Variants in COL21A1 observed in about 807,000 individuals in gnomAD.
COL21A1 encodes collagen alpha-1(XXI) chain.
Under a neutral mutation model 137.9 loss-of-function variants are expected in COL21A1, and 149 were observed. The observed-to-expected ratio is 1.08, with a 90% CI of 0.95 to 1.24. The LOEUF (loss-of-function observed/expected upper bound fraction) is 1.24, where lower values mean the gene tolerates loss of function less well. Among genes scored for constraint, COL21A1 ranks in the 50% most tolerant of loss-of-function variants. COL21A1 has a pLI of 0.00. For synonymous variants in COL21A1, 456 were observed against 391.5 expected (o/e 1.16, Z -1.95); for missense variants, 1,167 against 1,158.4 (o/e 1.01, Z -0.11).
chr6:56,205,241 AG>A (rs1466853573), intron 1 of COL21A1, among the ~76,000 whole-genome samples: 2 of 152,216 alleles, frequency 1.3e-5, no homozygotes. Context: ...CCTTGAAAAA[AG>A]GTTAGACAAA....
At chr6:56,307,162 TG>T (rs1764481648) in intron 1 of COL21A1, among the ~76,000 whole-genome samples, 3 of 152,164 alleles carry the variant, frequency 2.0e-5, no homozygotes, top group Non-Finnish European at 2.9e-5. Flanking sequence ...TTAGGCAACT[TG>T]GGGGTCAGGG....
At chr6:56,191,990 T>C (rs1216648184) in intron 1 of COL21A1, among the ~76,000 whole-genome samples, 1 of 152,052 alleles carries the variant, frequency 6.6e-6, no homozygotes, top group Non-Finnish European at 1.5e-5. Flanking sequence ...ATGGTACGGG[T>C]ACCAAAACAG....
At chr6:56,117,768 A>G (rs1309601766) in intron 16 of COL21A1, among the ~76,000 whole-genome samples, 1 of 152,062 alleles carries the variant, frequency 6.6e-6, no homozygotes, top group African/African-American at 2.4e-5. Context: ...CTAAAAATCA[A>G]TAACAAGAGG....
At chr6:56,124,858 G>A in intron 14 of COL21A1, among the ~76,000 whole-genome samples, 1 of 151,898 alleles carries the variant, frequency 6.6e-6, no homozygotes, top group East Asian at 1.9e-4. Flanking sequence ...TGTTAGCCAG[G>A]ATGGTCTCGA....
At chr6:56,383,808 T>TA (rs2094012833) in intron 1 of COL21A1, among the ~76,000 whole-genome samples, 2 of 152,130 alleles carry the variant, frequency 1.3e-5, no homozygotes, top group Admixed American at 6.6e-5. Flanking sequence ...AAATAAGTTT[T>TA]AAAAAAACCA....
chr6:56,269,635 A>T (rs1010050945), intron 1 of COL21A1, among the ~76,000 whole-genome samples: 6 of 136,340 alleles, frequency 4.4e-5, no homozygotes, highest in African/African-American at 1.6e-4. Flanking sequence ...AGCCTGGGCG[A>T]CAGAGCGAGA....
chr6:56,241,510 T>C (rs993194408), intron 1 of COL21A1, among the ~76,000 whole-genome samples: 2 of 152,150 alleles, frequency 1.3e-5, no homozygotes, highest in African/African-American at 4.8e-5. Flanking sequence ...TGTTGCTAGC[T>C]AACAAGGAAT....
intron 17 of COL21A1, among the ~76,000 whole-genome samples, chr6:56,100,530 T>C (rs891244333): frequency 6.6e-6 from 1 of 152,146 alleles, no homozygotes; most frequent in Non-Finnish European, 1.5e-5. Flanking sequence ...GCAGTAGTCA[T>C]CTCCAAACCC....
intron 12 of COL21A1, among the ~76,000 whole-genome samples, chr6:56,139,761 G>A (rs1345861865): frequency 6.6e-6 from 1 of 152,058 alleles, no homozygotes; most frequent in African/African-American, 2.4e-5. Context: ...TTTCGATGTT[G>A]GAGGCCCAGA....
intron 1 of COL21A1, among the ~76,000 whole-genome samples, chr6:56,229,059 G>A (rs74865356): frequency 9.0e-4 from 136 of 151,796 alleles, no homozygotes; most frequent in Non-Finnish European, 1.8e-3. Flanking sequence ...TTTATTTTTT[G>A]ATGCTTTCCA....
At chr6:56,319,010 A>G (rs1764807622) in intron 1 of COL21A1, among the ~76,000 whole-genome samples, 2 of 151,966 alleles carry the variant, frequency 1.3e-5, no homozygotes, top group Admixed American at 1.3e-4. Flanking sequence ...CATGGTAACC[A>G]ACCACAATGT....
intron 16 of COL21A1, among the ~76,000 whole-genome samples, chr6:56,113,017 G>A (rs1385451014): frequency 6.6e-6 from 1 of 152,146 alleles, no homozygotes; most frequent in East Asian, 1.9e-4. Flanking sequence ...CCAGCCAAAG[G>A]AGAATTACCC....
intron 17 of COL21A1, among the ~76,000 whole-genome samples, chr6:56,081,765 A>G (rs1011455856): frequency 6.6e-6 from 1 of 151,936 alleles, no homozygotes; most frequent in Non-Finnish European, 1.5e-5. Context: ...AAAATCTAAG[A>G]ACGTTGGATG....
intron 5 of COL21A1, 65 bp downstream of exon 5, chr6:56,170,584 C>T: frequency 9.2e-7 from 1 of 1,086,652 alleles, no homozygotes; most frequent in Non-Finnish European, 1.3e-6. Context: ...TTCCCCAACA[C>T]ACATAAACCC....
At chr6:56,164,772 T>A (rs1297239824) in intron 8 of COL21A1, 42 bp downstream of exon 8, 6 of 1,519,498 alleles carry the variant, frequency 3.9e-6, no homozygotes, top group Non-Finnish European at 5.4e-6. Context: ...GGTCCCACAA[T>A]ACAAATATTA....
intron 1 of COL21A1, among the ~76,000 whole-genome samples, chr6:56,354,733 G>A (rs1394271848): frequency 6.6e-6 from 1 of 152,114 alleles, no homozygotes; most frequent in Non-Finnish European, 1.5e-5. Flanking sequence ...GGTGTGGTAT[G>A]GTGGTGCATG....
chr6:56,118,146 T>TA (rs1437997507), intron 16 of COL21A1, among the ~76,000 whole-genome samples: 2 of 150,642 alleles, frequency 1.3e-5, no homozygotes, highest in Middle Eastern at 3.4e-3. Context: ...AAAAAGTTGT[T>TA]TTTTTTGAAA....
chr6:56,084,250 A>T (rs924984379), intron 17 of COL21A1, among the ~76,000 whole-genome samples: 2 of 151,274 alleles, frequency 1.3e-5, no homozygotes, highest in Non-Finnish European at 3.0e-5. Flanking sequence ...AATAAGAGAG[A>T]TTAGATTGCT....
chr6:56,157,406 G>A (rs1179699993), intron 9 of COL21A1, among the ~76,000 whole-genome samples: 1 of 150,088 alleles, frequency 6.7e-6, no homozygotes, highest in African/African-American at 2.5e-5. Flanking sequence ...CACCTTCTGG[G>A]TTAAAGAGAT....
Sources: gnomAD v4.1 joint callset for allele counts (sites outside exome capture counted in the v4.1 genomes callset) on GRCh38, gnomAD v4.1.1 for gene constraint, MANE v1.5 for transcripts, NCBI Gene and HGNC (gene_info 2026-07-23, HGNC 2026-07-21) for gene names.